The following USP54 variants were observed in gnomAD, a reference collection of about 807,000 sequenced individuals.
USP54 encodes ubiquitin specific peptidase 54.
USP54 carries 87 observed loss-of-function variants against 170.5 expected under a neutral mutation model. That is an observed-to-expected ratio of 0.51 (90% CI 0.43 to 0.61). USP54 has a LOEUF of 0.61. Among genes scored for constraint, USP54 ranks in the 20% least tolerant of loss-of-function variants. The probability of loss-of-function intolerance (pLI) is 0.00; values close to 1 mark genes in which losing one functional copy is unlikely to be tolerated. For synonymous variants in USP54, 655 were observed against 742.8 expected, an observed-to-expected ratio of 0.88 and a Z score of 1.92; for missense variants, 1,786 against 2,047.8, an observed-to-expected ratio of 0.87 and a Z score of 2.47.
chr10:73,555,088 G>A (rs1396754402), intron 4 of USP54, among the ~76,000 whole-genome samples: 1 of 152,212 alleles, frequency 6.6e-6, no homozygotes, highest in Non-Finnish European at 1.5e-5. Flanking sequence ...GGGTGACAGA[G>A]CAAGACCCTG....
rs1274056971 is a variant in USP54, at chr10:73,567,567, G to A, written c.240+3854C>T. Among the ~76,000 whole-genome samples, 5 of 152,170 alleles carry A rather than the reference G, an allele frequency of 3.3e-5. No individual in the cohort carries two copies. The East Asian group carries it at 9.6e-4, about 29-fold the overall frequency. On this transcript the variant is annotated intron_variant, in intron 4 of 23. Transcript: ENST00000687698. The stretch of plus-strand genomic sequence containing the variant: ...GGTGCCTGTAATCCCAGCTACTCGG[G>A]AGGCTGAGGCAGGAGAATCACTTGA...
chr10:73,585,434 C>T (rs1298738101), intron 1 of USP54, among the ~76,000 whole-genome samples: 1 of 152,190 alleles, frequency 6.6e-6, no homozygotes, highest in Non-Finnish European at 1.5e-5. Flanking sequence ...ACGATCATGA[C>T]AGACCGCAAA....
chr10:73,522,902 A>G (rs1438607950), intron 17 of USP54, among the ~76,000 whole-genome samples: 1 of 152,200 alleles, frequency 6.6e-6, no homozygotes, highest in Admixed American at 6.5e-5. Context: ...AATTTGTTGT[A>G]AGTGGGGTTT....
At chr10:73,557,858 G>A (rs926943647) in intron 4 of USP54, among the ~76,000 whole-genome samples, 1 of 149,890 alleles carries the variant, frequency 6.7e-6, no homozygotes, top group Non-Finnish European at 1.5e-5. Context: ...AGCTCAAGAA[G>A]GATTTAAAGA....
At position 73,575,689 on chromosome 10, in the gene USP54, G is replaced by A. The variant is rs577882079; in HGVS notation, c.-17-14C>T. 4.5e-6 allele frequency: 7 copies of A among 1,539,052 alleles called. No individual in the cohort carries two copies. The African/African-American group carries it at 9.7e-5, about 21-fold the overall frequency. On this transcript the variant is annotated splice_polypyrimidine_tract_variant and intron_variant, in intron 2 of 23. Transcript: ENST00000687698. ...TTCACATTTAGCCTGAAAAAAAAAT[G>A]GAGAAGGATTTGTGCCTTTTTGGCA...
rs773307528 is a variant in USP54 at position 73,534,760 on chromosome 10, G to A, written c.1155C>T (p.Pro385=). 1.2e-6 allele frequency: 2 copies of A among 1,613,830 alleles called. No homozygotes were observed. Among genetic ancestry groups the A allele is most frequent in the East Asian group, 4.5e-5 (2 of 44,882 alleles). ...CTGTTCGAGTGTCACTTGAGATGGA[G>A]GGCTCCCTCCCTGAGAGGAGGAGGA... ...CYDSEDSGRE[P]SISSDTRTDS... The change falls in exon 12 of 24, where the codon CCC becomes CCT. Residue 385 remains proline (P), a synonymous_variant. Transcript: ENST00000687698.
At chr10:73,545,203 A>G (rs1360069181) in intron 5 of USP54, among the ~76,000 whole-genome samples, 1 of 152,134 alleles carries the variant, frequency 6.6e-6, no homozygotes, top group Non-Finnish European at 1.5e-5. Context: ...ATCACTTAGG[A>G]ACCTGTTAGA....
At chr10:73,523,091 T>C (rs561433819) in intron 17 of USP54, among the ~76,000 whole-genome samples, 4 of 152,168 alleles carry the variant, frequency 2.6e-5, no homozygotes, top group Admixed American at 6.5e-5. Context: ...GTTGTGGAAG[T>C]AAAGTCCATG....
rs746057318 is a variant in USP54, at chr10:73,571,433, A to G, written c.228T>C (p.Phe76=). ...TGGAAGTACTTACCTTGAGAGCGCA[A>G]AAGATGCAGGAATCTCCCATGCACT... ...THKCMGDSCI[F]CALKGIFNQF... is the part of the protein sequence containing the mutation. Residue 76 remains phenylalanine (F), a synonymous_variant, in exon 4 of 24, where the codon TTT becomes TTC. Transcript: ENST00000687698. 11 of 1,613,548 alleles carry G rather than the reference A, an allele frequency of 6.8e-6. No homozygotes were observed. The highest frequency in any genetic ancestry group is 1.6e-4 in the Middle Eastern group (1 of 6,062).
intron 4 of USP54, among the ~76,000 whole-genome samples, chr10:73,556,671 T>C (rs1435491467): frequency 1.3e-5 from 2 of 152,130 alleles, no homozygotes; most frequent in African/African-American, 4.8e-5. Flanking sequence ...CATTTTATTC[T>C]CTGTGCTTAT....
intron 1 of USP54, among the ~76,000 whole-genome samples, chr10:73,622,192 C>A (rs868071168): frequency 2.6e-4 from 39 of 152,296 alleles, no homozygotes; most frequent in Middle Eastern, 3.4e-3. Flanking sequence ...CTAGTACCAG[C>A]TGCAGAGCAG....
At chr10:73,624,192 ATATG>A (rs1564974889) in intron 1 of USP54, among the ~76,000 whole-genome samples, 11 of 109,058 alleles carry the variant, frequency 1.0e-4, no homozygotes, top group Non-Finnish European at 2.0e-4. Context: ...ATATATATAT[ATATG>A]TATTTTTTTT....
intron 1 of USP54, among the ~76,000 whole-genome samples, chr10:73,606,801 C>CCTGG (rs575264690): frequency 1.3e-5 from 2 of 150,732 alleles, no homozygotes; most frequent in Non-Finnish European, 3.0e-5. Flanking sequence ...ATGGTGTGAA[C>CCTGG]CTGGGAGGTG....
intron 1 of USP54, among the ~76,000 whole-genome samples, chr10:73,622,886 T>C (rs375340536): frequency 4.7e-5 from 7 of 150,206 alleles, no homozygotes; most frequent in African/African-American, 1.5e-4. Flanking sequence ...GAGGCTGCAG[T>C]GAGCCGTGAT....
intron 4 of USP54, among the ~76,000 whole-genome samples, chr10:73,563,417 C>T (rs1048699998): frequency 6.6e-6 from 1 of 151,950 alleles, no homozygotes; most frequent in African/African-American, 2.4e-5. Context: ...CCATTTTTCT[C>T]TTGACTCATT....
chr10:73,530,907 T>C, intron 12 of USP54, 72 bp from the exon 13 acceptor site: 1 of 1,595,084 alleles, frequency 6.3e-7, no homozygotes, highest in South Asian at 1.1e-5. Context: ...ACCTACCTAA[T>C]CTCCCTTTGG....
chr10:73,594,396 G>A (rs576475433), upstream of USP54, among the ~76,000 whole-genome samples: 2 of 150,578 alleles, frequency 1.3e-5, no homozygotes, highest in South Asian at 4.2e-4. Flanking sequence ...ATTTTAGAAT[G>A]TAGTGACAAA....
intron 13 of USP54, 54 bp from the exon 14 acceptor site, chr10:73,530,577 T>C: frequency 6.4e-7 from 1 of 1,568,210 alleles, no homozygotes; most frequent in Non-Finnish European, 8.6e-7. Flanking sequence ...TCATGGATAC[T>C]AGACCCCAAT....
At chr10:73,615,905 CAAAAAAAAAA>C in intron 1 of USP54, among the ~76,000 whole-genome samples, 1 of 40,212 alleles carries the variant, frequency 2.5e-5, no homozygotes, top group South Asian at 6.9e-4. Context: ...AGATCAGTCT[CAAAAAAAAAA>C]AAAAAAAAAG....
Sources: gnomAD v4.1 joint callset for allele counts (sites outside exome capture counted in the v4.1 genomes callset) on GRCh38, gnomAD v4.1.1 for gene constraint, MANE v1.5 for transcripts, NCBI Gene and HGNC (gene_info 2026-07-23, HGNC 2026-07-21) for gene names.